Variants in HOXB8 observed in about 807,000 individuals in gnomAD.
HOXB8 encodes homeobox protein Hox-B8.
Under a neutral mutation model 22.2 loss-of-function variants are expected in HOXB8, and 17 were observed. The observed-to-expected ratio is 0.77, with a 90% CI of 0.53 to 1.15. The LOEUF (loss-of-function observed/expected upper bound fraction) is 1.15. Among genes scored for constraint, HOXB8 ranks in the 50% most tolerant of loss-of-function variants. HOXB8 has a pLI of 0.00. For synonymous variants in HOXB8, 156 were observed against 144.6 expected, an observed-to-expected ratio of 1.08 and a Z score of -0.57; for missense variants, 287 against 323.8, an observed-to-expected ratio of 0.89 and a Z score of 0.87.
Position 48,614,959 on chromosome 17 carries a change from T to G in HOXB8, c.-255A>C. 3 of 370,766 alleles carry G rather than the reference T, an allele frequency of 8.1e-6. No individual in the cohort carries two copies. The highest frequency in any genetic ancestry group is 1.4e-5 in the Non-Finnish European group (3 of 207,546). 23.0% of individuals were successfully genotyped at this position (370,766 alleles called of 1,614,324 possible). A position where few individuals can be genotyped will look rare whatever the true frequency, so the allele number is the denominator to read the frequency against. ...AAAAGGACAGAGAAGCCTCCAAAAG[T>G]CTAAGCTTGCATGGCAGCCGCGGCT... On this transcript the variant is annotated 5_prime_UTR_variant, in exon 1 of 2. Coordinates refer to ENST00000239144, the MANE Select transcript of HOXB8 (RefSeq NM_024016.4). This position sits in a 1 kb window ranked among gnomAD's most constrained non-coding sequence, Gnocchi z 4.1.
intron 1 of HOXB8, 109 bp from the exon 2 acceptor site, chr17:48,613,618 A>C (rs2070686072): frequency 1.3e-4 from 68 of 539,264 alleles, no homozygotes; most frequent in East Asian, 2.0e-4. Context: ...CATTATAATA[A>C]GGGCAGGGGA....
In HOXB8 at chr17:48,614,290, G is replaced by A; in HGVS notation, c.415C>T (p.Arg139Cys). The A allele has an allele frequency of 6.6e-7, 1 of 1,514,140 alleles. No individual in the cohort carries two copies. The highest frequency in any genetic ancestry group is 8.8e-7 in the Non-Finnish European group (1 of 1,140,730). The allele number at this position is 1,514,140 out of a possible 1,614,324, so 93.8% of individuals were successfully genotyped here. Residue 139 changes from arginine to cysteine, a missense_variant, in exon 1 of 2, where the codon CGC (arginine) becomes TGC (cysteine). This residue lies in a region of HOXB8 where 229 missense variants were observed against 239.8 expected (regional missense o/e 0.95). Coordinates refer to ENST00000239144, the MANE Select transcript of HOXB8 (RefSeq NM_024016.4). The surrounding 1 kb of genome is among the most constrained non-coding windows in gnomAD (Gnocchi z 4.1). ...PSPTQLFPWM[R>C]PQAAAGRRRG... ...CCCGAGGCGAGCTCACCTTGCGGGCGCATCCAGGGGAAGAGCTGTGTGGGC... is the reference window on the plus strand; with the variant it reads ...CCCGAGGCGAGCTCACCTTGCGGGCACATCCAGGGGAAGAGCTGTGTGGGC...
At chr17:48,613,640 G>A in intron 1 of HOXB8, 131 bp from the exon 2 acceptor site, 1 of 571,068 alleles carries the variant, frequency 1.8e-6, no homozygotes, top group East Asian at 3.5e-5. Flanking sequence ...CTTCTACCCC[G>A]TGCGGGGGCG....
chr17:48,613,282 C>T lies in HOXB8; in HGVS notation c.652G>A (p.Glu218Lys). Reference sequence around the variant, plus strand: ...TCCAGCTTCTGTTTCTCCAGCTCCTCCTGCTCGCATTTGCTGCTGGGGAAC... The same window carrying T: ...TCCAGCTTCTGTTTCTCCAGCTCCTTCTGCTCGCATTTGCTGCTGGGGAAC... ...DKFPSSKCEQ[E>K]ELEKQKLERA... The change falls in exon 2 of 2, where the codon GAG (glutamate) becomes AAG (lysine). Residue 218 changes from glutamate to lysine, a missense_variant. Glu to Lys is a moderately conservative substitution (Grantham distance 56). Around this residue, in one of 3 missense-constraint regions of HOXB8, gnomAD observed 52 missense variants for 54.8 expected, o/e 0.95. Transcript: ENST00000239144. 1 of 1,614,024 alleles carries T rather than the reference C, an allele frequency of 6.2e-7. No homozygotes were observed. The highest frequency in any genetic ancestry group is 8.5e-7 in the Non-Finnish European group (1 of 1,179,970).
rs370269047 is a variant in HOXB8 at position 48,613,445 on chromosome 17, C to T, written c.489G>A (p.Lys163=). 2.5e-6 allele frequency: 4 copies of T among 1,611,192 alleles called. No homozygotes were observed. The highest frequency in any genetic ancestry group is 2.7e-5 in the African/African-American group (2 of 74,662). The change falls in exon 2 of 2, where the codon AAG becomes AAA. Residue 163 remains lysine (K), a synonymous_variant. Transcript: ENST00000239144. ...YSRYQTLELE[K]EFLFNPYLTR... ...TCAGATAGGGATTAAATAGGAACTC[C>T]TTCTCCAGCTCCAGGGTCTGGTAGC... is the stretch of plus-strand genomic sequence containing the variant.
At position 48,613,207 on chromosome 17, in the gene HOXB8, T is replaced by A. The variant is rs772986161; in HGVS notation, c.727A>T (p.Lys243Ter). Residue 243 changes from lysine (K) to a stop codon, truncating the protein, a stop_gained, in exon 2 of 2, where the codon AAG (lysine) becomes TAG (stop). Coordinates refer to ENST00000239144, the MANE Select transcript of HOXB8 (RefSeq NM_024016.4). LOFTEE classifies it high-confidence loss of function. ...DEGDAQKGDK[K>*] Reference sequence around the variant, plus strand: ...CTGGCAGTCCCAGCTGAAGCCTACTTCTTGTCGCCCTTCTGCGCGTCGCCC... The same window carrying A: ...CTGGCAGTCCCAGCTGAAGCCTACTACTTGTCGCCCTTCTGCGCGTCGCCC... 4 of 1,606,916 alleles carry A rather than the reference T, an allele frequency of 2.5e-6. No homozygotes were observed. In the Admixed American group the frequency reaches 6.7e-5, roughly 27 times the overall value.
chr17:48,612,474 A>G lies in HOXB8; in HGVS notation c.*728T>C, dbSNP rs1052186905. The stretch of plus-strand genomic sequence containing the variant: ...CTCCCCCCCATAAAGCAATTCACGG[A>G]TACAGAATACATTCTCTTCACAGTA... On this transcript the variant is annotated 3_prime_UTR_variant, in exon 2 of 2. Coordinates refer to ENST00000239144, the MANE Select transcript of HOXB8 (RefSeq NM_024016.4). 3 of 151,926 alleles carry G rather than the reference A, an allele frequency of 2.0e-5. No homozygotes were observed. The highest frequency in any genetic ancestry group is 7.3e-5 in the African/African-American group (3 of 41,356). 9.4% of individuals were successfully genotyped at this position (151,926 alleles called of 1,614,324 possible).
chr17:48,613,130 G>A lies in HOXB8; in HGVS notation c.*72C>T. The A allele has an allele frequency of 9.2e-7, 1 of 1,089,248 alleles. No individual in the cohort carries two copies. 67.5% of individuals were successfully genotyped at this position (1,089,248 alleles called of 1,614,324 possible). On this transcript the variant is annotated 3_prime_UTR_variant, in exon 2 of 2. Transcript: ENST00000239144. Reference sequence around the variant, plus strand: ...GGGGCCAGAGCTCTCTCGGGCAGGGGCGCGCGGCGGCGGCGCGGCCGGGAC... The same window carrying A: ...GGGGCCAGAGCTCTCTCGGGCAGGGACGCGCGGCGGCGGCGCGGCCGGGAC...
Position 48,612,989 on chromosome 17 carries a change from G to C in HOXB8, c.*213C>G, listed in dbSNP as rs2070672351. ...TCTTTCCCCCCGGCCCCCAAGAGAA[G>C]GGAAGGAGATCCACGGTAGCTCACA... On this transcript the variant is annotated 3_prime_UTR_variant, in exon 2 of 2. Coordinates refer to ENST00000239144, the MANE Select transcript of HOXB8 (RefSeq NM_024016.4). 4.7e-6 allele frequency: 1 copy of C among 214,204 alleles called. No homozygotes were observed. Among genetic ancestry groups the C allele is most frequent in the Admixed American group, 5.8e-5 (1 of 17,120 alleles). The allele number at this position is 214,204 out of a possible 1,614,324, so 13.3% of individuals were successfully genotyped here.
rs751078920 is a variant in HOXB8 at position 48,614,528 on chromosome 17, G to A, written c.177C>T (p.His59=). The change falls in exon 1 of 2, where the codon CAC becomes CAT. Residue 59 remains histidine (H), a synonymous_variant. Coordinates refer to ENST00000239144, the MANE Select transcript of HOXB8 (RefSeq NM_024016.4). This position sits in a 1 kb window ranked among gnomAD's most constrained non-coding sequence, Gnocchi z 4.1. ...QHPSQIQEFY[H]GPSSLSTAPY... ...GAGCCGTGGACAGCGACGACGGCCC[G>A]TGGTAGAACTCCTGGATTTGCGACG... 51 of 1,613,708 alleles carry A rather than the reference G, an allele frequency of 3.2e-5. No homozygotes were observed. The highest frequency in any genetic ancestry group is 3.3e-5 in the South Asian group (3 of 91,084).
intron 1 of HOXB8, 140 bp from the exon 2 acceptor site, chr17:48,613,649 C>CGGGGGGGG (rs375874402): frequency 3.3e-6 from 1 of 307,670 alleles, no homozygotes; most frequent in African/African-American, 3.1e-5. Flanking sequence ...CGTGCGGGGG[C>CGGGGGGGG]GGGGGGGGCG....
rs2070706472 is a variant in HOXB8 at position 48,614,854 on chromosome 17, A to C, written c.-150T>G. 21 of 604,318 alleles carry C rather than the reference A, an allele frequency of 3.5e-5. 1 individual carries two copies. The South Asian group carries it at 5.0e-4, about 14-fold the overall frequency. The allele number at this position is 604,318 out of a possible 1,614,324, so 37.4% of individuals were successfully genotyped here. A position where few individuals can be genotyped will look rare whatever the true frequency, so the allele number is the denominator to read the frequency against. ...CCTCGCCAGGAAAGGAGAGGGAAAGAGAGGAGGGAAAAAAAGAAAAGAAAG... is the reference window on the plus strand; with the variant it reads ...CCTCGCCAGGAAAGGAGAGGGAAAGCGAGGAGGGAAAAAAAGAAAAGAAAG... On this transcript the variant is annotated 5_prime_UTR_variant, in exon 1 of 2. Transcript: ENST00000239144. The surrounding 1 kb of genome is among the most constrained non-coding windows in gnomAD (Gnocchi z 4.1).
In HOXB8 at chr17:48,614,949, C is replaced by G. The variant is rs975686645; in HGVS notation, c.-245G>C. The G allele has an allele frequency of 2.4e-6, 1 of 417,858 alleles. No homozygotes were observed. The highest frequency in any genetic ancestry group is 2.1e-5 in the African/African-American group (1 of 48,724). The allele number at this position is 417,858 out of a possible 1,614,324, so 25.9% of individuals were successfully genotyped here. ...CCAGGAATAGAAAAGGACAGAGAAG[C>G]CTCCAAAAGTCTAAGCTTGCATGGC... is the stretch of plus-strand genomic sequence containing the variant. On this transcript the variant is annotated 5_prime_UTR_variant, in exon 1 of 2. Coordinates refer to ENST00000239144, the MANE Select transcript of HOXB8 (RefSeq NM_024016.4). The surrounding 1 kb of genome is among the most constrained non-coding windows in gnomAD (Gnocchi z 4.1).
rs1433662396 is a variant in HOXB8 at position 48,614,104 on chromosome 17, T to C, written c.424+177A>G. On this transcript the variant is annotated intron_variant, in intron 1 of 1. Transcript: ENST00000239144. This position sits in a 1 kb window ranked among gnomAD's most constrained non-coding sequence, Gnocchi z 4.1. ...CAGGAAATGTTTCTAAGCGACCCCC[T>C]TCAAGGGAAAGAAAAAAGAAAGAAG... Among the ~76,000 whole-genome samples, 1 of 152,090 alleles carries C rather than the reference T, an allele frequency of 6.6e-6. No homozygotes were observed. The highest frequency in any genetic ancestry group is 1.5e-5 in the Non-Finnish European group (1 of 68,008).
In HOXB8 at chr17:48,613,482, T is replaced by G; in HGVS notation, c.452A>C (p.Gln151Pro). The G allele has an allele frequency of 7.4e-7, 1 of 1,354,606 alleles. No homozygotes were observed. The highest frequency in any genetic ancestry group is 9.8e-7 in the Non-Finnish European group (1 of 1,015,772). The allele number at this position is 1,354,606 out of a possible 1,614,324, so 83.9% of individuals were successfully genotyped here. The change falls in exon 2 of 2, where the codon CAG becomes CCG. Residue 151 changes from glutamine (Q) to proline (P), a missense_variant. Transcript: ENST00000239144. ...QAAAGRRRGR[Q>P]TYSRYQTLEL... Reference sequence around the variant, plus strand: ...CAGGGTCTGGTAGCGGCTGTAGGTCTGTCGGCCTCGCCTGCGTCCGGCGGC... The same window carrying G: ...CAGGGTCTGGTAGCGGCTGTAGGTCGGTCGGCCTCGCCTGCGTCCGGCGGC...
At chr17:48,613,910 A>T (rs1305877803) in intron 1 of HOXB8, among the ~76,000 whole-genome samples, 1 of 152,158 alleles carries the variant, frequency 6.6e-6, no homozygotes, top group Non-Finnish European at 1.5e-5. Flanking sequence ...TCTGCCCCAG[A>T]AGAAAAGTTT....
rs901140674 is a variant in HOXB8, at chr17:48,614,534, G to C, written c.171C>G (p.Phe57Leu). 2 of 1,613,628 alleles carry C rather than the reference G, an allele frequency of 1.2e-6. No homozygotes were observed. The highest frequency in any genetic ancestry group is 1.7e-6 in the Non-Finnish European group (2 of 1,179,892). Residue 57 changes from phenylalanine to leucine, a missense_variant, in exon 1 of 2, where the codon TTC becomes TTG. Phe to Leu is a conservative substitution (Grantham distance 22). This residue lies in a region of HOXB8 where 229 missense variants were observed against 239.8 expected (regional missense o/e 0.95). Coordinates refer to ENST00000239144, the MANE Select transcript of HOXB8 (RefSeq NM_024016.4). This position sits in a 1 kb window ranked among gnomAD's most constrained non-coding sequence, Gnocchi z 4.1. ...SFQHPSQIQEFYHGPSSLSTA... is the reference protein window; with the variant it reads ...SFQHPSQIQELYHGPSSLSTA... ...TGGACAGCGACGACGGCCCGTGGTA[G>C]AACTCCTGGATTTGCGACGGGTGCT...
rs1335251772 is a variant in HOXB8 at position 48,613,136 on chromosome 17, G to C, written c.*66C>G. ...AGAGCTCTCTCGGGCAGGGGCGCGC[G>C]GCGGCGGCGCGGCCGGGACCCGCGG... On this transcript the variant is annotated 3_prime_UTR_variant, in exon 2 of 2. Coordinates refer to ENST00000239144, the MANE Select transcript of HOXB8 (RefSeq NM_024016.4). 21 of 1,120,920 alleles carry C rather than the reference G, an allele frequency of 1.9e-5. No homozygotes were observed. The highest frequency in any genetic ancestry group is 1.7e-5 in the Non-Finnish European group (15 of 899,698). The allele number at this position is 1,120,920 out of a possible 1,614,324, so 69.4% of individuals were successfully genotyped here. A position where few individuals can be genotyped will look rare whatever the true frequency, so the allele number is the denominator to read the frequency against.
In HOXB8 at chr17:48,614,192, C is replaced by A; in HGVS notation, c.424+89G>T. Reference sequence around the variant, plus strand: ...GATCGGAACGGAGCCGGCAAGTCTTCCAGAAGCTGGAGGAAATGCGCCCCG... The same window carrying A: ...GATCGGAACGGAGCCGGCAAGTCTTACAGAAGCTGGAGGAAATGCGCCCCG... On this transcript the variant is annotated intron_variant, in intron 1 of 1. Coordinates refer to ENST00000239144, the MANE Select transcript of HOXB8 (RefSeq NM_024016.4). This position sits in a 1 kb window ranked among gnomAD's most constrained non-coding sequence, Gnocchi z 4.1. 4.5e-6 allele frequency: 5 copies of A among 1,115,628 alleles called. No homozygotes were observed. Among genetic ancestry groups the A allele is most frequent in the East Asian group, 2.8e-5 (1 of 35,804 alleles). The allele number at this position is 1,115,628 out of a possible 1,614,324, so 69.1% of individuals were successfully genotyped here.
Sources: allele counts gnomAD v4.1 joint callset (sites outside exome capture counted in the v4.1 genomes callset), GRCh38; gene constraint gnomAD v4.1.1; regional missense constraint gnomAD v4.1.1; non-coding constraint Gnocchi (gnomAD v3.1); transcripts MANE v1.5; gene names NCBI Gene and HGNC (gene_info 2026-07-23, HGNC 2026-07-21).